The following PSME4 variants were observed in gnomAD, a reference collection of about 807,000 sequenced individuals.
PSME4 encodes the protein proteasome activator subunit 4, also known as proteasome activator complex subunit 4.
PSME4 carries 89 observed loss-of-function variants against 253.9 expected under a neutral mutation model. The ratio of observed to expected loss-of-function variants is 0.35; its 90% CI spans 0.30 to 0.42. PSME4 has a LOEUF of 0.42. Among genes scored for constraint, PSME4 ranks in the 10% least tolerant of loss-of-function variants. The pLI, the probability that PSME4 is intolerant of heterozygous loss-of-function variation, is 1.00. For synonymous variants in PSME4, 851 were observed against 759.2 expected (o/e 1.12, Z -1.99); for missense variants, 2,014 against 2,195.2 (o/e 0.92, Z 1.65).
At chr2:53,883,999 C>T (rs1175362645) in intron 41 of PSME4, among the ~76,000 whole-genome samples, 1 of 152,172 alleles carries the variant, frequency 6.6e-6, no homozygotes, top group Non-Finnish European at 1.5e-5. Flanking sequence ...TTCTGTGCTC[C>T]TCTCATGGTT....
intron 41 of PSME4, among the ~76,000 whole-genome samples, chr2:53,883,807 A>G (rs1471303887): frequency 6.6e-6 from 1 of 151,966 alleles, no homozygotes. Context: ...CATGGTTTTA[A>G]GTATCATCTC....
At chr2:53,931,452 C>G (rs934875918) in intron 10 of PSME4, among the ~76,000 whole-genome samples, 1 of 152,112 alleles carries the variant, frequency 6.6e-6, no homozygotes, top group African/African-American at 2.4e-5. Flanking sequence ...ATAATAAACA[C>G]AATTTTCTTC....
At chr2:53,924,911 C>A (rs2104454531) in intron 14 of PSME4, among the ~76,000 whole-genome samples, 1 of 152,352 alleles carries the variant, frequency 6.6e-6, no homozygotes, top group East Asian at 1.9e-4. Context: ...ACATTTTCAT[C>A]AACTGATCAA....
chr2:53,882,296 T>A (rs955967954), intron 41 of PSME4, among the ~76,000 whole-genome samples: 62 of 152,224 alleles, frequency 4.1e-4, no homozygotes, highest in Middle Eastern at 3.2e-3. Flanking sequence ...ATGTGCCTGA[T>A]GCTGCTTTAA....
At chr2:53,963,352 G>A (rs966751248) in intron 1 of PSME4, among the ~76,000 whole-genome samples, 6 of 151,876 alleles carry the variant, frequency 4.0e-5, no homozygotes, top group African/African-American at 1.5e-4. Flanking sequence ...ACACAAAAAA[G>A]AAAGAGCGCA....
intron 20 of PSME4, among the ~76,000 whole-genome samples, chr2:53,914,973 T>C (rs1394047896): frequency 6.6e-6 from 1 of 152,232 alleles, no homozygotes; most frequent in Admixed American, 6.5e-5. Context: ...CATTTACTTT[T>C]ATGCTTAGGA....
At chr2:53,890,030 TCA>T (rs1679832565) in intron 37 of PSME4, 72 bp downstream of exon 37, 2 of 1,140,202 alleles carry the variant, frequency 1.8e-6, no homozygotes, top group Non-Finnish European at 2.6e-6. Context: ...TTATGAGATT[TCA>T]CACACTTTGA....
chr2:53,919,167 C>A lies in PSME4; in HGVS notation c.2500G>T (p.Glu834Ter). Residue 834 changes from glutamate to a stop codon, truncating the protein, a stop_gained, in exon 20 of 47, where the codon GAG becomes TAG. Coordinates refer to ENST00000404125, the MANE Select transcript of PSME4 (RefSeq NM_014614.3). LOFTEE classifies it high-confidence loss of function. ...SGNLLPPLKG[E>*]PVTNLVPSMV... ...TTTACTTACAAGTTAGTAACTGGCT[C>A]TCCTTTCAACGGAGGTAGGAGGTTT... 1 of 1,612,208 alleles carries A rather than the reference C, an allele frequency of 6.2e-7. No individual in the cohort carries two copies. The highest frequency in any genetic ancestry group is 8.5e-7 in the Non-Finnish European group (1 of 1,179,340).
At chr2:53,953,844 C>T (rs144773578) in intron 1 of PSME4, among the ~76,000 whole-genome samples, 12 of 152,188 alleles carry the variant, frequency 7.9e-5, no homozygotes, top group South Asian at 4.1e-4. Context: ...TAAACAGTCA[C>T]GATTGAACGT....
intron 1 of PSME4, among the ~76,000 whole-genome samples, chr2:53,967,649 CAAAAAAAAAAAAA>C (rs71408747): frequency 0.039 from 847 of 21,574 alleles, 22 homozygotes; most frequent in African/African-American, 0.11. Flanking sequence ...GAGATTGTCT[CAAAAAAAAAAAAA>C]AAAAAAAAAA....
In PSME4 at chr2:53,970,733, G is replaced by T; in HGVS notation, c.52C>A (p.Arg18Ser). 1.3e-6 allele frequency: 2 copies of T among 1,546,284 alleles called. No homozygotes were observed. Among genetic ancestry groups the T allele is most frequent in the Non-Finnish European group, 1.7e-6 (2 of 1,145,582 alleles). ...AAGCCCCGCGGGCCCGGCTCGGGAC[G>T]CCCGCCCGGCTCCGGGGGCTCTCCG... is the stretch of plus-strand genomic sequence containing the variant. ...GVGEPPEPGG[R>S]PEPGPRGFVP... Residue 18 changes from arginine (R) to serine (S), a missense_variant, in exon 1 of 47, where the codon CGT (arginine) becomes AGT (serine). By Grantham distance (110) the Arg-to-Ser change is moderately radical. This residue lies in a region of PSME4 where 615 missense variants were observed against 594.4 expected (regional missense o/e 1.03). Coordinates refer to ENST00000404125, the MANE Select transcript of PSME4 (RefSeq NM_014614.3).
At chr2:53,903,283 ACT>A (rs140766638) in intron 27 of PSME4, among the ~76,000 whole-genome samples, 109 of 148,010 alleles carry the variant, frequency 7.4e-4, no homozygotes, top group Admixed American at 8.1e-4. Context: ...TCATCTAACT[ACT>A]CTCTCTCTCT....
chr2:53,916,231 G>T, intron 20 of PSME4, among the ~76,000 whole-genome samples: 1 of 99,562 alleles, frequency 1.0e-5, no homozygotes, highest in East Asian at 2.9e-4. Context: ...AATAGGGCGA[G>T]ACTCTGTCTC....
chr2:53,948,961 T>C (rs908975364), intron 2 of PSME4, among the ~76,000 whole-genome samples, 182 bp downstream of exon 2: 7 of 152,188 alleles, frequency 4.6e-5, no homozygotes, highest in African/African-American at 1.7e-4. Flanking sequence ...ATGGAAGAGA[T>C]GGAATTTTAA....
rs1351711592 is a variant in PSME4, at chr2:53,970,548, G to A, written c.237C>T (p.Leu79=). 1.3e-6 allele frequency: 2 copies of A among 1,548,238 alleles called. No individual in the cohort carries two copies. The highest frequency in any genetic ancestry group is 1.7e-6 in the Non-Finnish European group (2 of 1,146,860). ...WPGGLFWTRK[L]STYIRLYGRK... ...GCAGGCCCGGGCACACTTACGTGGA[G>A]AGTTTCCTGGTCCAGAAGAGGCCCC... Residue 79 remains leucine, a synonymous_variant, in exon 1 of 47, where the codon CTC becomes CTT. Transcript: ENST00000404125.
intron 43 of PSME4, among the ~76,000 whole-genome samples, chr2:53,872,896 TAA>T (rs36003427): frequency 5.4e-4 from 79 of 146,594 alleles, no homozygotes; most frequent in African/African-American, 1.5e-3. Flanking sequence ...AATAAGAAAT[TAA>T]AAAAAAAAAA....
intron 42 of PSME4, among the ~76,000 whole-genome samples, chr2:53,875,005 T>C (rs1222645197): frequency 6.6e-6 from 1 of 152,200 alleles, no homozygotes; most frequent in African/African-American, 2.4e-5. Flanking sequence ...ACAGTCATGA[T>C]TAATGGCTCC....
At chr2:53,907,179 CAA>C (rs1484430790) in intron 24 of PSME4, among the ~76,000 whole-genome samples, 3 of 152,134 alleles carry the variant, frequency 2.0e-5, no homozygotes, top group African/African-American at 7.2e-5. Flanking sequence ...ACTGAAAGTA[CAA>C]AAACAGCCTA....
At chr2:53,902,671 C>T (rs1378592552) in intron 27 of PSME4, among the ~76,000 whole-genome samples, 1 of 152,214 alleles carries the variant, frequency 6.6e-6, no homozygotes, top group African/African-American at 2.4e-5. Context: ...TATACATCTG[C>T]ACCAGGGGTC....
Sources: gnomAD v4.1 joint callset for allele counts (sites outside exome capture counted in the v4.1 genomes callset) on GRCh38, gnomAD v4.1.1 for gene constraint, gnomAD v4.1.1 regional missense constraint, MANE v1.5 for transcripts, NCBI Gene and HGNC (gene_info 2026-07-23, HGNC 2026-07-21) for gene names.